Variants in BMPR1B observed in about 807,000 individuals in gnomAD.
BMPR1B encodes the protein bone morphogenetic protein receptor type 1B.
Under a neutral mutation model 59.1 loss-of-function variants are expected in BMPR1B, and 12 were observed. The observed-to-expected ratio is 0.20, with a 90% confidence interval of 0.13 to 0.33. BMPR1B has a LOEUF of 0.33. BMPR1B is among the 10% of genes least tolerant of loss of function. The pLI is 1.00. For missense variants in BMPR1B, 550 were observed against 610.9 expected, an observed-to-expected ratio of 0.90 and a Z score of 1.05; for synonymous variants, 237 against 207.3, an observed-to-expected ratio of 1.14 and a Z score of -1.23.
At chr4:95,121,898 A>G (rs1732557443) in intron 6 of BMPR1B, among the ~76,000 whole-genome samples, 1 of 152,234 alleles carries the variant, frequency 6.6e-6, no homozygotes, top group Non-Finnish European at 1.5e-5. Flanking sequence ...AATCATTAGC[A>G]TGTGCAAAGA....
At chr4:95,009,050 C>T (rs1486482600) in intron 3 of BMPR1B, among the ~76,000 whole-genome samples, 1 of 151,856 alleles carries the variant, frequency 6.6e-6, no homozygotes, top group Non-Finnish European at 1.5e-5. Context: ...ATGAGACTCT[C>T]TGTCTCTCTT....
chr4:94,994,079 G>T (rs573314681), intron 2 of BMPR1B, among the ~76,000 whole-genome samples: 1 of 152,098 alleles, frequency 6.6e-6, no homozygotes, highest in African/African-American at 2.4e-5. Context: ...GTGAAAATTT[G>T]TATATGTCAA....
chr4:94,941,015 G>C (rs530872658), intron 2 of BMPR1B, among the ~76,000 whole-genome samples: 27 of 152,236 alleles, frequency 1.8e-4, no homozygotes, highest in African/African-American at 6.5e-4. Context: ...ATTTCAATGA[G>C]GAAGGAATAT....
chr4:94,918,871 G>C (rs1728584812), intron 2 of BMPR1B, among the ~76,000 whole-genome samples: 1 of 152,018 alleles, frequency 6.6e-6, no homozygotes, highest in Non-Finnish European at 1.5e-5. Flanking sequence ...TACTTCTCCT[G>C]TGTCAGTGGG....
At chr4:94,767,456 A>G (rs1490114668) in intron 1 of BMPR1B, among the ~76,000 whole-genome samples, 2 of 152,178 alleles carry the variant, frequency 1.3e-5, no homozygotes, top group Non-Finnish European at 2.9e-5. Context: ...TACATAGTGG[A>G]TGCTCTAGTG....
intron 1 of BMPR1B, among the ~76,000 whole-genome samples, chr4:94,853,682 T>C (rs965025568): frequency 3.9e-5 from 6 of 152,228 alleles, no homozygotes; most frequent in Admixed American, 2.0e-4. Context: ...GAGGTCATGG[T>C]CAGACTAGCA....
At chr4:94,927,673 T>C (rs1489615078) in intron 2 of BMPR1B, among the ~76,000 whole-genome samples, 1 of 152,116 alleles carries the variant, frequency 6.6e-6, no homozygotes, top group Non-Finnish European at 1.5e-5. Context: ...TGCCATGTTA[T>C]GGATCTTAAA....
At chr4:94,888,646 A>G (rs1727275853) in intron 2 of BMPR1B, among the ~76,000 whole-genome samples, 1 of 152,098 alleles carries the variant, frequency 6.6e-6, no homozygotes, top group Admixed American at 6.6e-5. Flanking sequence ...ACCTTGGTCC[A>G]AAGCTGGTAA....
chr4:94,804,590 C>CTTTTTTTTTTT, intron 1 of BMPR1B, among the ~76,000 whole-genome samples: 1 of 121,568 alleles, frequency 8.2e-6, no homozygotes, highest in Non-Finnish European at 1.6e-5. Context: ...CTTTGTAATA[C>CTTTTTTTTTTT]TTTTTTTTTT....
At chr4:94,761,397 A>G (rs1415908050) in intron 1 of BMPR1B, among the ~76,000 whole-genome samples, 1 of 147,598 alleles carries the variant, frequency 6.8e-6, no homozygotes, top group African/African-American at 2.5e-5. Context: ...CTGGACTTAC[A>G]TTTTCCGCTG....
chr4:95,139,716 G>T (rs1336406838), intron 10 of BMPR1B, among the ~76,000 whole-genome samples: 6 of 151,690 alleles, frequency 4.0e-5, no homozygotes, highest in Admixed American at 6.6e-5. Flanking sequence ...TCCGAGCCGG[G>T]CGTGGGACCC....
intron 6 of BMPR1B, among the ~76,000 whole-genome samples, chr4:95,119,774 T>TA (rs1399591944): frequency 1.3e-5 from 2 of 152,178 alleles, no homozygotes; most frequent in African/African-American, 4.8e-5. Flanking sequence ...CTGTTAAACA[T>TA]ATATATTTTA....
intron 3 of BMPR1B, among the ~76,000 whole-genome samples, chr4:95,081,991 A>G (rs554026843): frequency 6.6e-6 from 1 of 151,538 alleles, no homozygotes; most frequent in East Asian, 1.9e-4. Context: ...ATACTTTTTT[A>G]TTATTATTAT....
chr4:94,896,274 C>A (rs1727581266), intron 2 of BMPR1B, among the ~76,000 whole-genome samples: 2 of 151,842 alleles, frequency 1.3e-5, no homozygotes, highest in African/African-American at 4.8e-5. Context: ...ATACGTAGCC[C>A]AAGAGTACAT....
At chr4:94,821,571 CAATT>C (rs1183897569) in intron 1 of BMPR1B, among the ~76,000 whole-genome samples, 2 of 151,842 alleles carry the variant, frequency 1.3e-5, no homozygotes, top group African/African-American at 2.4e-5. Context: ...TTAAACCAAT[CAATT>C]AAGAGTTCAA....
intron 6 of BMPR1B, among the ~76,000 whole-genome samples, chr4:95,119,134 A>G (rs1369129946): frequency 6.6e-6 from 1 of 152,196 alleles, no homozygotes; most frequent in Non-Finnish European, 1.5e-5. Flanking sequence ...TATACTGATA[A>G]TATATTGACA....
chr4:95,061,523 A>G (rs888642281), intron 3 of BMPR1B, among the ~76,000 whole-genome samples: 1 of 152,162 alleles, frequency 6.6e-6, no homozygotes, highest in Non-Finnish European at 1.5e-5. Flanking sequence ...CATGTGTACA[A>G]CCTAAAACAA....
chr4:94,782,205 T>C (rs936793421), intron 1 of BMPR1B, among the ~76,000 whole-genome samples: 1 of 152,162 alleles, frequency 6.6e-6, no homozygotes, highest in Non-Finnish European at 1.5e-5. Context: ...GTTCTTCAGG[T>C]TGTACTATCT....
At chr4:94,922,778 T>A (rs1728751501) in intron 2 of BMPR1B, among the ~76,000 whole-genome samples, 1 of 152,150 alleles carries the variant, frequency 6.6e-6, no homozygotes, top group Non-Finnish European at 1.5e-5. Context: ...AACAGTATGA[T>A]CCATAAAGCC....
Sources: gnomAD v4.1 joint callset for allele counts (sites outside exome capture counted in the v4.1 genomes callset) on GRCh38, gnomAD v4.1.1 for gene constraint, MANE v1.5 for transcripts, NCBI Gene and HGNC (gene_info 2026-07-23, HGNC 2026-07-21) for gene names.